The following HIVEP3 variants were observed in gnomAD, a reference collection of about 807,000 sequenced individuals.
HIVEP3 encodes HIVEP zinc finger 3.
HIVEP3 carries 49 observed loss-of-function variants against 152.8 expected under a neutral mutation model. The ratio of observed to expected loss-of-function variants is 0.32; its 90% CI spans 0.26 to 0.41. The LOEUF is 0.41. Ranked by LOEUF, HIVEP3 falls within the 10% of genes least tolerant of loss-of-function variation. The pLI, the probability that HIVEP3 is intolerant of heterozygous loss-of-function variation, is 1.00. For missense variants in HIVEP3, 2,790 were observed against 3,103.3 expected, an observed-to-expected ratio of 0.90 and a Z score of 2.40; for synonymous variants, 1,269 against 1,289.0, an observed-to-expected ratio of 0.98 and a Z score of 0.33.
At chr1:41,554,921 G>T (rs1364846963) in intron 5 of HIVEP3, among the ~76,000 whole-genome samples, 1 of 152,158 alleles carries the variant, frequency 6.6e-6, no homozygotes, top group Non-Finnish European at 1.5e-5. Context: ...CTACTGGGAG[G>T]TGTCTCCCAG....
At chr1:41,691,638 CCTTGAT>C (rs1290011601) in intron 2 of HIVEP3, among the ~76,000 whole-genome samples, 1 of 152,174 alleles carries the variant, frequency 6.6e-6, no homozygotes, top group Non-Finnish European at 1.5e-5. Context: ...CACGAATCTG[CCTTGAT>C]CTTGAATTTC....
At chr1:41,944,245 T>C (rs905792007) in intron 1 of HIVEP3, among the ~76,000 whole-genome samples, 12 of 152,242 alleles carry the variant, frequency 7.9e-5, no homozygotes, top group African/African-American at 2.7e-4. Context: ...CTGAACTGTA[T>C]GCTTAACAAT....
intron 1 of HIVEP3, among the ~76,000 whole-genome samples, chr1:42,030,477 T>G (rs1424694800): frequency 6.6e-6 from 1 of 152,172 alleles, no homozygotes; most frequent in Non-Finnish European, 1.5e-5. Flanking sequence ...AATACATTTC[T>G]CCTAGCAAAG....
intron 6 of HIVEP3, among the ~76,000 whole-genome samples, chr1:41,523,230 G>A (rs1642809944): frequency 1.3e-5 from 2 of 152,358 alleles, no homozygotes; most frequent in Non-Finnish European, 2.9e-5. Context: ...GACAGCCCAT[G>A]TCCAGGGCGA....
chr1:41,632,295 C>A (rs935442560), intron 2 of HIVEP3, among the ~76,000 whole-genome samples: 1 of 152,084 alleles, frequency 6.6e-6, no homozygotes, highest in African/African-American at 2.4e-5. Flanking sequence ...TGGGTAGAGC[C>A]GGGTTGTAGG....
chr1:41,714,430 A>G (rs536091515), intron 1 of HIVEP3, among the ~76,000 whole-genome samples: 1 of 152,328 alleles, frequency 6.6e-6, no homozygotes, highest in South Asian at 2.1e-4. Flanking sequence ...TGAGGCAGAT[A>G]CTGTCACCTC....
At chr1:41,534,012 GCTC>G (rs1643334557) in intron 5 of HIVEP3, among the ~76,000 whole-genome samples, 1 of 151,998 alleles carries the variant, frequency 6.6e-6, no homozygotes, top group African/African-American at 2.4e-5. Flanking sequence ...ATCCTTGATG[GCTC>G]CATTTCCTTC....
At chr1:41,741,689 T>C (rs16828601) in intron 1 of HIVEP3, among the ~76,000 whole-genome samples, 46,249 of 152,116 alleles carry the variant, frequency 0.3, 7,957 homozygotes, top group East Asian at 0.47. Context: ...TGATTTCCCA[T>C]GGGGCGTCGG....
intron 1 of HIVEP3, 23 bp from the exon 2 acceptor site, chr1:41,701,018 G>A: frequency 1.0e-6 from 1 of 955,746 alleles, no homozygotes; most frequent in Non-Finnish European, 1.2e-6. Flanking sequence ...GAGAAAGTGA[G>A]AATATTATGC....
At chr1:41,679,229 G>A (rs1646001816) in intron 2 of HIVEP3, among the ~76,000 whole-genome samples, 2 of 152,142 alleles carry the variant, frequency 1.3e-5, no homozygotes, top group Admixed American at 6.5e-5. Context: ...CAATTCTGGT[G>A]GCTCAAGTTT....
At position 41,583,079 on chromosome 1, in the gene HIVEP3, C is replaced by T. The variant is rs761938839; in HGVS notation, c.1719G>A (p.Leu573=). ...FDDHITDSEA[L]SHSSHVFTSH... is the part of the protein sequence containing the mutation. ...AGGTAAACACGTGACTGCTGTGGCT[C>T]AGGGCTTCGGAGTCGGTGATATGGT... is the stretch of plus-strand genomic sequence containing the variant. Residue 573 remains leucine (L), a synonymous_variant, in exon 4 of 9, where the codon CTG becomes CTA. Transcript: ENST00000372583. This position sits in a 1 kb window ranked among gnomAD's most constrained non-coding sequence, Gnocchi z 6.9. 6.2e-7 allele frequency: 1 copy of T among 1,613,688 alleles called. No individual in the cohort carries two copies. The highest frequency in any genetic ancestry group is 8.5e-7 in the Non-Finnish European group (1 of 1,179,886).
At position 41,580,996 on chromosome 1, in the gene HIVEP3, G is replaced by A; in HGVS notation, c.3802C>T (p.Leu1268=). The A allele has an allele frequency of 1.3e-6, 2 of 1,573,832 alleles. No individual in the cohort carries two copies. Among genetic ancestry groups the A allele is most frequent in the Non-Finnish European group, 1.7e-6 (2 of 1,158,888 alleles). Residue 1268 remains leucine (L), a synonymous_variant, in exon 4 of 9, where the codon CTG becomes TTG. Transcript: ENST00000372583. ...GAGAGGCCAGCACTTCCTGTTGCCA[G>A]TGGGGCCAGGCTGGTTTTGATCTGG... ...LPQIKTSLAP[L]ATGSAGLSPS... is the part of the protein sequence containing the mutation.
intron 5 of HIVEP3, among the ~76,000 whole-genome samples, chr1:41,534,757 G>A (rs984252095): frequency 1.3e-5 from 2 of 152,194 alleles, no homozygotes; most frequent in African/African-American, 4.8e-5. Flanking sequence ...CACTCCAGGA[G>A]TTCCTGAGCA....
intron 2 of HIVEP3, among the ~76,000 whole-genome samples, chr1:41,685,904 T>C (rs1022173610): frequency 3.3e-5 from 5 of 152,136 alleles, no homozygotes; most frequent in African/African-American, 1.2e-4. Context: ...GGGGCTGGTG[T>C]GTGTTGGAAC....
At chr1:41,955,620 A>G (rs1645136346) in intron 1 of HIVEP3, among the ~76,000 whole-genome samples, 1 of 152,206 alleles carries the variant, frequency 6.6e-6, no homozygotes, top group Non-Finnish European at 1.5e-5. Context: ...GCCTCCAGCT[A>G]CTCAGCTACA....
intron 2 of HIVEP3, among the ~76,000 whole-genome samples, chr1:41,685,719 G>T (rs1646104198): frequency 6.6e-6 from 1 of 152,216 alleles, no homozygotes; most frequent in African/African-American, 2.4e-5. Flanking sequence ...AAATATACTT[G>T]AACTTATTTG....
chr1:41,723,207 G>A (rs1646702555), intron 1 of HIVEP3, among the ~76,000 whole-genome samples: 6 of 152,150 alleles, frequency 3.9e-5, no homozygotes. Flanking sequence ...GTTAGCAGTA[G>A]GAGTGACAGG....
At chr1:41,926,367 C>T (rs769586221) in intron 1 of HIVEP3, among the ~76,000 whole-genome samples, 8 of 152,220 alleles carry the variant, frequency 5.3e-5, no homozygotes, top group Non-Finnish European at 1.0e-4. Flanking sequence ...ATCAGCCCAT[C>T]ATTTTGCCCT....
intron 1 of HIVEP3, among the ~76,000 whole-genome samples, chr1:41,829,583 A>T (rs893973192): frequency 6.6e-6 from 1 of 151,876 alleles, no homozygotes; most frequent in African/African-American, 2.4e-5. Context: ...AATAAATACA[A>T]TTATAAATAA....
Sources: gnomAD v4.1 joint callset for allele counts (sites outside exome capture counted in the v4.1 genomes callset) on GRCh38, gnomAD v4.1.1 for gene constraint, Gnocchi (gnomAD v3.1) non-coding constraint, MANE v1.5 for transcripts, NCBI Gene and HGNC (gene_info 2026-07-23, HGNC 2026-07-21) for gene names.